The following MYO10 variants were observed in gnomAD, a reference collection of about 807,000 sequenced individuals.
MYO10 encodes unconventional myosin-X.
MYO10 carries 133 observed loss-of-function variants against 257.3 expected under a neutral mutation model. The observed-to-expected ratio is 0.52, with a 90% CI of 0.45 to 0.60. The LOEUF is 0.60. MYO10 is among the 20% of genes least tolerant of loss of function. The probability of loss-of-function intolerance (pLI) is 0.00; values close to 1 mark genes in which losing one functional copy is unlikely to be tolerated. For synonymous variants in MYO10, 1,104 were observed against 1,028.6 expected, an observed-to-expected ratio of 1.07 and a Z score of -1.40; for missense variants, 2,399 against 2,635.7, an observed-to-expected ratio of 0.91 and a Z score of 1.97.
In MYO10 at chr5:16,680,940, C is replaced by T. The variant is rs76939245; in HGVS notation, c.4384+369G>A. On this transcript the variant is annotated intron_variant, in intron 32 of 40. Coordinates refer to ENST00000513610, the MANE Select transcript of MYO10 (RefSeq NM_012334.3). ...TTGAGCCCTGGAAGGCTGTAGTGAA[C>T]CAAGATTGCACCATTGCACTCCGGC... 3.4e-3 allele frequency among the ~76,000 whole-genome samples: 517 copies of T among 152,218 alleles called. 1 individual carries two copies. The highest frequency in any genetic ancestry group is 0.01 in the African/African-American group (434 of 41,544).
chr5:16,761,259 G>T (rs1213708095), intron 17 of MYO10, among the ~76,000 whole-genome samples: 3 of 152,136 alleles, frequency 2.0e-5, no homozygotes, highest in Admixed American at 2.0e-4. Flanking sequence ...CCAAAGTGCT[G>T]GGATTACAGG....
chr5:16,792,110 TACACACACACAC>T (rs138106656), intron 4 of MYO10, among the ~76,000 whole-genome samples: 46 of 139,098 alleles, frequency 3.3e-4, no homozygotes, highest in African/African-American at 1.2e-3. Context: ...CACACATACA[TACACACACACAC>T]ACACACACAC....
At position 16,699,537 on chromosome 5, in the gene MYO10, CA is replaced by C. The variant is rs1251230801; in HGVS notation, c.3468del (p.Phe1156LeufsTer29). On this transcript the variant is annotated frameshift_variant, in exon 26 of 41. Coordinates refer to ENST00000513610, the MANE Select transcript of MYO10 (RefSeq NM_012334.3). LOFTEE classifies it high-confidence loss of function. ...EDSEEDFDSR[F>X]DTDDELSYRR... is the part of the protein sequence containing the mutation. ...CGGTATGAAAGCTCATCATCTGTAT[CA>C]AACCTGGAATCAAAGTCCTCTTCAC... The C allele has an allele frequency of 1.2e-6, 2 of 1,613,752 alleles. No homozygotes were observed. Among genetic ancestry groups the C allele is most frequent in the Admixed American group, 3.3e-5 (2 of 60,010 alleles).
chr5:16,709,436 A>C (rs1281021668), intron 21 of MYO10, among the ~76,000 whole-genome samples: 2 of 152,196 alleles, frequency 1.3e-5, no homozygotes, highest in Non-Finnish European at 2.9e-5. Flanking sequence ...AGAACGCTAC[A>C]ACCCTACGCT....
rs180997047 is a variant in MYO10, at chr5:16,896,019, G to A, written c.22-18312C>T. Among the ~76,000 whole-genome samples, 317 of 152,258 alleles carry A rather than the reference G, an allele frequency of 2.1e-3. 2 individuals are homozygous for A. The highest frequency in any genetic ancestry group is 7.1e-3 in the African/African-American group (297 of 41,560). ...GACAGCCCCAGCTCCTGCCCTCTCC[G>A]CCTCAACACTCCTGGCCTCGCTTCT... On this transcript the variant is annotated intron_variant, in intron 1 of 40. Coordinates refer to ENST00000513610, the MANE Select transcript of MYO10 (RefSeq NM_012334.3).
chr5:16,804,404 G>A (rs1382080524), intron 3 of MYO10, among the ~76,000 whole-genome samples: 3 of 152,152 alleles, frequency 2.0e-5, no homozygotes, highest in Non-Finnish European at 4.4e-5. Flanking sequence ...TTTCGTAACA[G>A]GTCACCAAAG....
intron 2 of MYO10, among the ~76,000 whole-genome samples, chr5:16,822,740 T>G (rs576564922): frequency 1.3e-4 from 20 of 151,136 alleles, no homozygotes; most frequent in South Asian, 8.4e-4. Flanking sequence ...CAGGCTGGAG[T>G]GCAGTGGCAC....
chr5:16,886,253 T>C (rs1388661098), intron 1 of MYO10, among the ~76,000 whole-genome samples: 1 of 152,184 alleles, frequency 6.6e-6, no homozygotes, highest in Non-Finnish European at 1.5e-5. Flanking sequence ...AAAGTGAGTC[T>C]CAAGAGAGAA....
intron 19 of MYO10, among the ~76,000 whole-genome samples, chr5:16,751,846 G>A (rs1360881739): frequency 2.0e-5 from 3 of 152,074 alleles, no homozygotes; most frequent in South Asian, 2.1e-4. Flanking sequence ...TCACTGGTGC[G>A]TTATTAATTA....
intron 1 of MYO10, among the ~76,000 whole-genome samples, chr5:16,899,908 G>T (rs530166377): frequency 6.8e-6 from 1 of 146,476 alleles, no homozygotes; most frequent in South Asian, 2.2e-4. Context: ...TGAGGCAGGA[G>T]AATTGCTTGA....
At chr5:16,738,403 C>A (rs1739889532) in intron 19 of MYO10, 1 of 985,310 alleles carries the variant, frequency 1.0e-6, no homozygotes, top group Non-Finnish European at 1.2e-6. Context: ...GATTGCCTGG[C>A]ATTAGAAAGA....
At chr5:16,774,565 G>C (rs1741158989) in intron 9 of MYO10, among the ~76,000 whole-genome samples, 1 of 151,918 alleles carries the variant, frequency 6.6e-6, no homozygotes, top group African/African-American at 2.4e-5. Flanking sequence ...GGGACTACAG[G>C]CGCCCACCAC....
intron 3 of MYO10, among the ~76,000 whole-genome samples, chr5:16,796,765 T>G (rs1169094202): frequency 6.6e-6 from 1 of 152,212 alleles, no homozygotes; most frequent in East Asian, 1.9e-4. Context: ...AAGGGCTGAT[T>G]CATGCCTTCT....
At chr5:16,842,227 C>T (rs1743504035) in intron 2 of MYO10, among the ~76,000 whole-genome samples, 1 of 152,146 alleles carries the variant, frequency 6.6e-6, no homozygotes, top group Non-Finnish European at 1.5e-5. Context: ...AAGTTGTATG[C>T]TTGCCTGACC....
chr5:16,891,345 AAG>A (rs1745047122), intron 1 of MYO10, among the ~76,000 whole-genome samples: 1 of 55,884 alleles, frequency 1.8e-5, no homozygotes, highest in Non-Finnish European at 4.1e-5. Context: ...GGAAGGAAGG[AAG>A]GAAGGAAGGA....
chr5:16,810,272 C>T (rs114358231), intron 3 of MYO10, among the ~76,000 whole-genome samples: 52 of 152,278 alleles, frequency 3.4e-4, no homozygotes, highest in African/African-American at 1.0e-3. Context: ...TTCACAGCCA[C>T]AGCACTTGAC....
intron 9 of MYO10, among the ~76,000 whole-genome samples, chr5:16,778,913 A>C (rs1159484499): frequency 1.3e-5 from 2 of 151,870 alleles, no homozygotes; most frequent in Admixed American, 6.6e-5. Context: ...GATGGTCTCA[A>C]TCTCCTGACC....
At position 16,682,010 on chromosome 5, in the gene MYO10, G is replaced by C. The variant is rs2126498769; in HGVS notation, c.4050C>G (p.Pro1350=). 2.5e-6 allele frequency: 4 copies of C among 1,612,952 alleles called. No homozygotes were observed. The highest frequency in any genetic ancestry group is 1.7e-5 in the Admixed American group (1 of 60,014). ...SVCASDSPDR[P]NSFVIITANR... ...TGGCCGTGATGATCACAAACGAGTT[G>C]GGTCTGAGCCACAAGATGAGAAGGA... Residue 1350 remains proline (P), a synonymous_variant, in exon 31 of 41, where the codon CCC becomes CCG. Coordinates refer to ENST00000513610, the MANE Select transcript of MYO10 (RefSeq NM_012334.3).
At chr5:16,809,292 C>T (rs1742365244) in intron 3 of MYO10, among the ~76,000 whole-genome samples, 1 of 152,230 alleles carries the variant, frequency 6.6e-6, no homozygotes. Context: ...GCTAACCAAC[C>T]AACCACGCGG....
Sources: gnomAD v4.1 joint callset for allele counts (sites outside exome capture counted in the v4.1 genomes callset) on GRCh38, gnomAD v4.1.1 for gene constraint, MANE v1.5 for transcripts, NCBI Gene and HGNC (gene_info 2026-07-23, HGNC 2026-07-21) for gene names.